VPS13B: variants seen among roughly 807,000 people sequenced by gnomAD.
VPS13B encodes intermembrane lipid transfer protein VPS13B.
A neutral mutation model predicts 426.4 loss-of-function variants in VPS13B; 285 were observed. That is an observed-to-expected ratio of 0.67 (90% CI 0.61 to 0.74). The LOEUF is 0.74. Among genes scored for constraint, VPS13B ranks in the 30% least tolerant of loss-of-function variants. The pLI is 0.00. For synonymous variants in VPS13B, 1,676 were observed against 1,676.4 expected (o/e 1.00, Z 0.01); for missense variants, 4,537 against 4,782.6 (o/e 0.95, Z 1.51).
intron 31 of VPS13B, among the ~76,000 whole-genome samples, chr8:99,573,179 T>A (rs1469831478): frequency 6.6e-6 from 1 of 152,170 alleles, no homozygotes; most frequent in African/African-American, 2.4e-5. Flanking sequence ...GTTTGAGTTC[T>A]TTGTAGATTC....
intron 2 of VPS13B, among the ~76,000 whole-genome samples, chr8:99,031,506 AG>A (rs990907823): frequency 6.6e-6 from 1 of 152,126 alleles, no homozygotes; most frequent in African/African-American, 2.4e-5. Context: ...GTTTATCTAG[AG>A]GAACAACCAC....
chr8:99,216,905 CG>C (rs1192914800), intron 17 of VPS13B, among the ~76,000 whole-genome samples: 1 of 151,856 alleles, frequency 6.6e-6, no homozygotes. Context: ...AGTACTTGCT[CG>C]GAAAGTGAGG....
chr8:99,641,548 A>G (rs1829360051), intron 33 of VPS13B, among the ~76,000 whole-genome samples: 1 of 152,222 alleles, frequency 6.6e-6, no homozygotes, highest in Non-Finnish European at 1.5e-5. Flanking sequence ...ATGCAAAGAA[A>G]GAAGATCTGA....
At chr8:99,296,674 G>A (rs1409386383) in intron 19 of VPS13B, among the ~76,000 whole-genome samples, 2 of 152,168 alleles carry the variant, frequency 1.3e-5, no homozygotes, top group Admixed American at 6.5e-5. Context: ...TAGGAAGTGG[G>A]TCCTTTATGA....
chr8:99,212,486 TCATTA>T (rs1449394838), intron 17 of VPS13B, among the ~76,000 whole-genome samples: 3 of 152,196 alleles, frequency 2.0e-5, no homozygotes, highest in Non-Finnish European at 2.9e-5. Flanking sequence ...CATTGTGTTA[TCATTA>T]CATTACATTA....
chr8:99,420,216 A>T (rs774404941), intron 21 of VPS13B, among the ~76,000 whole-genome samples: 1 of 152,182 alleles, frequency 6.6e-6, no homozygotes, highest in Non-Finnish European at 1.5e-5. Context: ...TTTTGATATG[A>T]TGAAGTAACG....
intron 14 of VPS13B, among the ~76,000 whole-genome samples, chr8:99,155,950 T>C (rs1280673747): frequency 6.6e-6 from 1 of 152,170 alleles, no homozygotes; most frequent in Non-Finnish European, 1.5e-5. Flanking sequence ...ATCTTGAAAC[T>C]TACCTGTATT....
Position 99,875,861 on chromosome 8 carries a change from A to ATT in VPS13B, c.*201_*202dup. The ATT allele has an allele frequency of 3.0e-6, 2 of 663,600 alleles. No homozygotes were observed. The highest frequency in any genetic ancestry group is 5.1e-6 in the Non-Finnish European group (2 of 395,686). 41.1% of individuals were successfully genotyped at this position (663,600 alleles called of 1,614,324 possible). ...GCATTTTGCCACCATAAAGGGCTGC[A>ATT]TTTTTTTAAAAAGCCTAGGCAGCTC... On this transcript the variant is annotated 3_prime_UTR_variant, in exon 62 of 62. Transcript: ENST00000357162.
In VPS13B at chr8:99,810,409, G is replaced by A. The variant is rs183882314; in HGVS notation, c.8097+879G>A. 2.3e-3 allele frequency among the ~76,000 whole-genome samples: 345 copies of A among 152,332 alleles called. 2 individuals carry two copies. Among genetic ancestry groups the A allele is most frequent in the African/African-American group, 8.0e-3 (331 of 41,578 alleles). On this transcript the variant is annotated intron_variant, in intron 44 of 61. Transcript: ENST00000357162. The stretch of plus-strand genomic sequence containing the variant: ...CTGGAAAAGGGGAGCTTCCCCTATG[G>A]AGCAGCAGGGGCTATTCTGTTGCTG...
At chr8:99,811,990 C>T (rs940725847) in intron 44 of VPS13B, among the ~76,000 whole-genome samples, 24 of 152,094 alleles carry the variant, frequency 1.6e-4, no homozygotes, top group African/African-American at 5.8e-4. Context: ...GTGACTCATT[C>T]TTGAATAGAT....
At chr8:99,015,544 C>T (rs1247292827) in intron 2 of VPS13B, among the ~76,000 whole-genome samples, 1 of 147,396 alleles carries the variant, frequency 6.8e-6, no homozygotes, top group Non-Finnish European at 1.5e-5. Context: ...TGTTTTACAC[C>T]TGTGCAACTA....
intron 24 of VPS13B, among the ~76,000 whole-genome samples, chr8:99,478,168 A>G (rs1819796277): frequency 6.6e-6 from 1 of 151,746 alleles, no homozygotes; most frequent in African/African-American, 2.4e-5. Context: ...TTGGCCAACA[A>G]ACTGATACAT....
chr8:99,428,017 A>C (rs562397324), intron 21 of VPS13B, among the ~76,000 whole-genome samples: 10 of 152,292 alleles, frequency 6.6e-5, no homozygotes, highest in African/African-American at 2.4e-4. Flanking sequence ...GACAAACCTG[A>C]CAAAAACAAG....
intron 2 of VPS13B, among the ~76,000 whole-genome samples, chr8:99,021,939 T>C (rs1841916104): frequency 6.6e-6 from 1 of 152,194 alleles, no homozygotes; most frequent in East Asian, 1.9e-4. Flanking sequence ...AGCTGCCTGA[T>C]TTACAAAAAT....
chr8:99,507,152 G>A lies in VPS13B; in HGVS notation c.4173G>A (p.Trp1391Ter). The change falls in exon 28 of 62, where the codon TGG becomes TGA. Residue 1391 changes from tryptophan to a stop codon, truncating the protein, a stop_gained. Transcript: ENST00000357162. LOFTEE classifies it high-confidence loss of function. ...DHYRSRPGEGWQSGHFEGVFL... is the reference protein window; with the variant it reads ...DHYRSRPGEG ...TGTTTTCCAGGCCAGGGGAAGGTTG[G>A]CAGTCAGGACATTTTGAAGGAGTAT... 1 of 1,613,964 alleles carries A rather than the reference G, an allele frequency of 6.2e-7. No homozygotes were observed. The highest frequency in any genetic ancestry group is 8.5e-7 in the Non-Finnish European group (1 of 1,179,910).
rs747961838 is a variant in VPS13B at position 99,038,437 on chromosome 8, A to G, written c.162A>G (p.Pro54=). The change falls in exon 3 of 62, where the codon CCA becomes CCG. Residue 54 remains proline (P), a synonymous_variant. Coordinates refer to ENST00000357162, the MANE Select transcript of VPS13B (RefSeq NM_152564.5). ...TGTGTTTTAAGGAACTGAAATTACC[A>G]TTCACTTTTTTAAGTGGACATATTC... ...LDVLEQELKL[P]FTFLSGHIHE... 14 of 1,606,788 alleles carry G rather than the reference A, an allele frequency of 8.7e-6. No homozygotes were observed. The South Asian group carries it at 1.3e-4, about 15-fold the overall frequency.
chr8:99,445,107 C>A (rs1203171103), intron 23 of VPS13B, among the ~76,000 whole-genome samples: 1 of 151,744 alleles, frequency 6.6e-6, no homozygotes, highest in East Asian at 1.9e-4. Context: ...AGATACGATA[C>A]CCTTACACAT....
In VPS13B at chr8:99,575,752, A is replaced by G. The variant is rs965365158; in HGVS notation, c.5044A>G (p.Lys1682Glu). ...ITGAPAVIFT[K>E]VVSPENLHTE... is the part of the protein sequence containing the mutation. ...TGGAGCACCTGCTGTCATTTTCACC[A>G]AAGTAGTTTCTCCAGAAAATTTGCA... Residue 1682 changes from lysine to glutamate, a missense_variant, in exon 32 of 62, where the codon AAA becomes GAA. Physicochemically the swap from Lys to Glu is moderately conservative, Grantham distance 56. Coordinates refer to ENST00000357162, the MANE Select transcript of VPS13B (RefSeq NM_152564.5). 13 of 1,613,672 alleles carry G rather than the reference A, an allele frequency of 8.1e-6. No individual in the cohort carries two copies. The highest frequency in any genetic ancestry group is 6.7e-5 in the African/African-American group (5 of 74,914).
At chr8:99,057,311 A>G (rs1362207470) in intron 3 of VPS13B, among the ~76,000 whole-genome samples, 1 of 152,182 alleles carries the variant, frequency 6.6e-6, no homozygotes. Context: ...GCTCATTAGT[A>G]ACATCAAGCT....
Sources: gnomAD v4.1 joint callset for allele counts (sites outside exome capture counted in the v4.1 genomes callset) on GRCh38, gnomAD v4.1.1 for gene constraint, MANE v1.5 for transcripts, NCBI Gene and HGNC (gene_info 2026-07-23, HGNC 2026-07-21) for gene names.